The following DHRS4L2 variants were observed in gnomAD, a reference collection of about 807,000 sequenced individuals.
DHRS4L2 encodes dehydrogenase/reductase SDR family member 4-like 2.
DHRS4L2 carries 22 observed loss-of-function variants against 23.9 expected under a neutral mutation model. The ratio of observed to expected loss-of-function variants is 0.92; its 90% CI spans 0.66 to 1.31. DHRS4L2 has a LOEUF of 1.31. DHRS4L2 is among the 40% of genes most tolerant of loss of function. DHRS4L2 has a pLI of 0.00. For synonymous variants in DHRS4L2, 141 were observed against 123.7 expected (o/e 1.14, Z -0.93); for missense variants, 385 against 303.3 (o/e 1.27, Z -2.00).
chr14:24,004,243 T>G (rs1594479452), intron 6 of DHRS4L2, 94 bp from the exon 7 acceptor site: 2 of 1,430,726 alleles, frequency 1.4e-6, no homozygotes, highest in East Asian at 2.6e-5. Context: ...CAGTCCGGCC[T>G]GGGCAAAAGA....
chr14:23,988,784 C>T (rs1362146129), upstream of DHRS4L2: 18 of 1,402,836 alleles, frequency 1.3e-5, no homozygotes, highest in African/African-American at 1.0e-4. Flanking sequence ...CGGGGCGGGG[C>T]GACTGGCGGG....
chr14:23,977,237 G>C (rs906380834), intron 1 of DHRS4L2, among the ~76,000 whole-genome samples: 1 of 151,750 alleles, frequency 6.6e-6, no homozygotes, highest in Non-Finnish European at 1.5e-5. Flanking sequence ...TCTTTTTTAA[G>C]TAAATAATTG....
chr14:23,994,513 C>T (rs922785251), intron 2 of DHRS4L2, among the ~76,000 whole-genome samples: 1 of 151,518 alleles, frequency 6.6e-6, no homozygotes, highest in Non-Finnish European at 1.5e-5. Flanking sequence ...CATGGCAAGA[C>T]CCTGTCTCTA....
At chr14:23,985,368 TCTTA>T (rs1351553275), upstream of DHRS4L2, among the ~76,000 whole-genome samples, 2 of 151,334 alleles carry the variant, frequency 1.3e-5, no homozygotes, top group African/African-American at 2.4e-5. Flanking sequence ...CTGTTAACAC[TCTTA>T]CTATTATTTC....
intron 1 of DHRS4L2, among the ~76,000 whole-genome samples, chr14:23,982,092 G>A (rs1039315812): frequency 1.5e-4 from 23 of 151,596 alleles, no homozygotes; most frequent in Non-Finnish European, 2.2e-4. Flanking sequence ...GCTGGGGGAC[G>A]GTCAGGGCTC....
At position 23,976,538 on chromosome 14, in the gene DHRS4L2, C is replaced by T. The variant is rs949061184; in HGVS notation, c.-176+6206C>T. Among the ~76,000 whole-genome samples the T allele has an allele frequency of 2.0e-5, 3 of 151,780 alleles. 1 individual carries two copies. Among genetic ancestry groups the T allele is most frequent in the Admixed American group, 6.6e-5 (1 of 15,262 alleles). On this transcript the variant is annotated intron_variant, in intron 1 of 5. Transcript: ENST00000534993. ...AAATTAGTTCAACCATTGTGGAAGA[C>T]ACTGTGGCCATTCCTCAAGGATCTA... is the stretch of plus-strand genomic sequence containing the variant.
At position 23,972,948 on chromosome 14, in the gene DHRS4L2, T is replaced by G. The variant is rs544612463; in HGVS notation, c.-176+2616T>G. On this transcript the variant is annotated intron_variant, in intron 1 of 5. Transcript: ENST00000534993. ...CCAAACATGTCGGTGGAGTAAAGAA[T>G]AACAAGGCAGCATTGCTGCAAACAT... Among the ~76,000 whole-genome samples the G allele has an allele frequency of 2.6e-5, 4 of 152,026 alleles. No homozygotes were observed. The South Asian group carries it at 8.3e-4, about 32-fold the overall frequency.
At chr14:23,982,563 G>A (rs1437806596) in intron 1 of DHRS4L2, among the ~76,000 whole-genome samples, 3 of 151,068 alleles carry the variant, frequency 2.0e-5, no homozygotes, top group Non-Finnish European at 4.4e-5. Context: ...ACTACTGCAA[G>A]GCTACAGTAA....
At chr14:23,988,886 C>A, upstream of DHRS4L2, 1 of 1,589,848 alleles carries the variant, frequency 6.3e-7, no homozygotes, top group Non-Finnish European at 8.6e-7. Context: ...TCGTCCTGCC[C>A]CTTCGCCCTA....
In DHRS4L2 at chr14:23,979,590, TAACA is replaced by T. The variant is rs2034024101; in HGVS notation, c.-176+9263_-176+9266del. On this transcript the variant is annotated intron_variant, in intron 1 of 5. Coordinates refer to the DHRS4L2 transcript ENST00000534993. ...AGCAAATGCAAAAGAATGGAAATCA[TAACA>T]AACAGTCTCTCGGGCTGCGGTGCAA... Among the ~76,000 whole-genome samples the T allele has an allele frequency of 1.3e-4, 11 of 85,514 alleles. 2 individuals are homozygous for T. The South Asian group carries it at 4.6e-3, about 36-fold the overall frequency. The allele number at this position is 85,514 out of a possible 152,430, so 56.1% of individuals were successfully genotyped here.
upstream of DHRS4L2, among the ~76,000 whole-genome samples, chr14:23,984,539 GTAAT>G (rs2034106664): frequency 6.6e-6 from 1 of 151,522 alleles, no homozygotes; most frequent in Non-Finnish European, 1.5e-5. Context: ...GCTCATGCCT[GTAAT>G]CCCAGCACTT....
Position 24,001,466 on chromosome 14 carries a change from T to C in DHRS4L2, c.614T>C (p.Ile205Thr). 2 of 1,605,182 alleles carry C rather than the reference T, an allele frequency of 1.2e-6. No homozygotes were observed. The highest frequency in any genetic ancestry group is 1.7e-6 in the Non-Finnish European group (2 of 1,178,810). The change falls in exon 6 of 8, where the codon ATT (isoleucine) becomes ACT (threonine). Residue 205 changes from isoleucine (I) to threonine (T), a missense_variant. Coordinates refer to ENST00000335125, the MANE Select transcript of DHRS4L2 (RefSeq NM_198083.4). ...GCCATAGAGCTGGCCCCAAGGAACA[T>C]TAGGGTGAACTGCCTGCACCTGGAC... ...TLAIELAPRN[I>T]RVNCLHLDLS...
In DHRS4L2 at chr14:23,983,066, GAA is replaced by G. The variant is rs2034081105; in HGVS notation, c.-175-7115_-175-7114del. On this transcript the variant is annotated intron_variant, in intron 1 of 5. Transcript: ENST00000534993. ...TAAACTAAAGAGCTTCAGCACAGCA[GAA>G]GAGACTATCGTCAGAGTGAACAGGC... Among the ~76,000 whole-genome samples the G allele has an allele frequency of 4.6e-5, 7 of 151,708 alleles. 1 individual carries two copies. The South Asian group carries it at 1.5e-3, about 32-fold the overall frequency.
chr14:23,980,413 A>C, intron 1 of DHRS4L2, among the ~76,000 whole-genome samples: 1 of 120,360 alleles, frequency 8.3e-6, no homozygotes, highest in Non-Finnish European at 1.7e-5. Context: ...AAATTATTCC[A>C]AACACCAGAA....
intron 1 of DHRS4L2, among the ~76,000 whole-genome samples, chr14:23,977,582 G>A (rs1329104230): frequency 1.3e-5 from 2 of 151,624 alleles, no homozygotes; most frequent in African/African-American, 2.4e-5. Flanking sequence ...TAAAAGCTGT[G>A]GGAACCCCCA....
upstream of DHRS4L2, among the ~76,000 whole-genome samples, chr14:23,984,190 C>T (rs772922361): frequency 5.3e-5 from 8 of 151,458 alleles, no homozygotes; most frequent in Admixed American, 1.3e-4. Flanking sequence ...TAGGAAACTT[C>T]TGGAAAGATA....
Position 23,991,346 on chromosome 14 carries a change from C to T in DHRS4L2, c.306+987C>T, listed in dbSNP as rs145675503. ...CCAAAAAAGCTTGGCTTAGACTGGT[C>T]GACAAAGCCCAAGATTGGGGCCTTG... On this transcript the variant is annotated intron_variant, in intron 2 of 7. Transcript: ENST00000335125. 2.4e-3 allele frequency among the ~76,000 whole-genome samples: 368 copies of T among 151,696 alleles called. 5 individuals are homozygous for T. Among genetic ancestry groups the T allele is most frequent in the Middle Eastern group, 6.8e-3 (2 of 294 alleles).
chr14:23,981,517 C>T (rs1005672037), intron 1 of DHRS4L2, among the ~76,000 whole-genome samples: 1 of 151,570 alleles, frequency 6.6e-6, no homozygotes, highest in Non-Finnish European at 1.5e-5. Context: ...CCCCTCCACA[C>T]CTGTGGGTAT....
chr14:23,996,973 T>TG (rs1192923000), intron 3 of DHRS4L2, among the ~76,000 whole-genome samples: 2 of 151,454 alleles, frequency 1.3e-5, no homozygotes, highest in Non-Finnish European at 2.9e-5. Context: ...GCATCATTCA[T>TG]GAACAGTCTG....
Sources: allele counts gnomAD v4.1 joint callset (sites outside exome capture counted in the v4.1 genomes callset), GRCh38; gene constraint gnomAD v4.1.1; transcripts MANE v1.5; gene names NCBI Gene and HGNC (gene_info 2026-07-23, HGNC 2026-07-21).